The following NBEAL2 variants were observed in gnomAD, a reference collection of about 807,000 sequenced individuals.
NBEAL2 encodes neurobeachin like 2.
NBEAL2 carries 160 observed loss-of-function variants against 299.8 expected under a neutral mutation model. The observed-to-expected ratio is 0.53, with a 90% CI of 0.47 to 0.61. The LOEUF is 0.61. NBEAL2 is among the 20% of genes least tolerant of loss of function. The pLI, the probability that NBEAL2 is intolerant of heterozygous loss-of-function variation, is 0.00. For synonymous variants in NBEAL2, 1,493 were observed against 1,542.3 expected (o/e 0.97, Z 0.75); for missense variants, 3,112 against 3,649.0 (o/e 0.85, Z 3.79).
rs781779589 is a variant in NBEAL2 at position 46,991,434 on chromosome 3, G to C, written c.671G>C (p.Gly224Ala). ...AACGGGCAGATGGCTGTAAGTGATG[G>C]CTCTGTGAAGGGCCTGCTGAGTGTG... ...KENGQMAVSDGSVKGLLSVVR... is the reference protein window; with the variant it reads ...KENGQMAVSDASVKGLLSVVR... Residue 224 changes from glycine (G) to alanine (A), a missense_variant, in exon 8 of 54, where the codon GGC (glycine) becomes GCC (alanine). Gly to Ala is a moderately conservative substitution (Grantham distance 60, BLOSUM62 0). This residue lies in a region of NBEAL2 where 2,243 missense variants were observed against 2,538.1 expected (regional missense o/e 0.88). Coordinates refer to ENST00000450053, the MANE Select transcript of NBEAL2 (RefSeq NM_015175.3). The surrounding 1 kb of genome is among the most constrained non-coding windows in gnomAD (Gnocchi z 6.2). The C allele has an allele frequency of 1.9e-6, 3 of 1,608,686 alleles. No individual in the cohort carries two copies. In the Admixed American group the frequency reaches 5.0e-5, roughly 27 times the overall value.
Position 47,002,108 on chromosome 3 carries a change from T to G in NBEAL2, c.4971T>G (p.Ala1657=). Residue 1657 remains alanine (A), a synonymous_variant, in exon 31 of 54, where the codon GCT becomes GCG. Transcript: ENST00000450053. ...SPLAAAAAAA[A]AERCSWLVPL... is the part of the protein sequence containing the mutation. The stretch of plus-strand genomic sequence containing the variant: ...TTGCAGCTGCAGCAGCTGCAGCAGC[T>G]GCAGAGCGCTGCTCCTGGCTGGTGC... 6.4e-7 allele frequency: 1 copy of G among 1,550,600 alleles called. No homozygotes were observed. Among genetic ancestry groups the G allele is most frequent in the South Asian group, 1.2e-5 (1 of 84,484 alleles).
rs764404753 is a variant in NBEAL2, at chr3:46,996,442, C to A, written c.2323C>A (p.Pro775Thr). Residue 775 changes from proline to threonine, a missense_variant, in exon 16 of 54, where the codon CCC becomes ACC. Coordinates refer to ENST00000450053, the MANE Select transcript of NBEAL2 (RefSeq NM_015175.3). Reference sequence around the variant, plus strand: ...TGGCTGGGGGTCCGGGCTGGTGGCCCCCCTGCAGGAGGGCAGCATCGACTC... The same window carrying A: ...TGGCTGGGGGTCCGGGCTGGTGGCCACCCTGCAGGAGGGCAGCATCGACTC... Reference protein sequence around the residue: ...GLGWGSGLVAPLQEGSIDSTL... With the variant: ...GLGWGSGLVATLQEGSIDSTL... The A allele has an allele frequency of 6.2e-7, 1 of 1,608,368 alleles. No individual in the cohort carries two copies. The highest frequency in any genetic ancestry group is 8.5e-7 in the Non-Finnish European group (1 of 1,177,690).
At position 47,004,024 on chromosome 3, in the gene NBEAL2, C is replaced by A. The variant is rs772589336; in HGVS notation, c.5881+48C>A. 1.2e-6 allele frequency: 2 copies of A among 1,606,636 alleles called. No individual in the cohort carries two copies. Among genetic ancestry groups the A allele is most frequent in the Non-Finnish European group, 1.7e-6 (2 of 1,174,660 alleles). ...AGGAGGATGGCAGGGAATGGCTGAG[C>A]TCTGGGTGGGGCTGGGGTGAGTGAC... On this transcript the variant is annotated intron_variant, in intron 36 of 53. Coordinates refer to ENST00000450053, the MANE Select transcript of NBEAL2 (RefSeq NM_015175.3). The surrounding 1 kb of genome is among the most constrained non-coding windows in gnomAD (Gnocchi z 5.0).
intron 1 of NBEAL2, chr3:46,987,994 CAA>C: frequency 7.8e-7 from 1 of 1,276,930 alleles, no homozygotes; most frequent in Non-Finnish European, 1.0e-6. Flanking sequence ...CCGTTCACAC[CAA>C]AGTTTTCCTG....
rs1440994285 is a variant in NBEAL2, at chr3:47,007,928, C to T, written c.7602+18C>T. The T allele has an allele frequency of 3.1e-6, 5 of 1,608,222 alleles. No homozygotes were observed. Among genetic ancestry groups the T allele is most frequent in the South Asian group, 1.1e-5 (1 of 90,102 alleles). On this transcript the variant is annotated intron_variant, in intron 49 of 53. Coordinates refer to ENST00000450053, the MANE Select transcript of NBEAL2 (RefSeq NM_015175.3). ...TGCATCAGGTGTGCCTCGTGGGCAG[C>T]TCTGTGGGGCCCCCGTAGCCCAGAC...
chr3:47,009,181 G>C, intron 53 of NBEAL2, 38 bp from the exon 54 acceptor site: 1 of 1,561,206 alleles, frequency 6.4e-7, no homozygotes, highest in Non-Finnish European at 8.7e-7. Context: ...GTGGCGCGGC[G>C]ATCCCAGCTG....
chr3:47,000,005 C>T lies in NBEAL2; in HGVS notation c.3906C>T (p.Pro1302=), dbSNP rs374744218. The T allele has an allele frequency of 6.2e-7, 1 of 1,612,406 alleles. No homozygotes were observed. The highest frequency in any genetic ancestry group is 2.2e-5 in the East Asian group (1 of 44,896). ...YVLEAATAGS[P]PPSSPESPTS... is the part of the protein sequence containing the mutation. ...TGGAGGCTGCCACAGCCGGCAGCCC[C>T]CCTCCGTCTTCCCCAGAGTCACCTA... Residue 1302 remains proline (P), a synonymous_variant, in exon 27 of 54, where the codon CCC becomes CCT. Transcript: ENST00000450053. This position sits in a 1 kb window ranked among gnomAD's most constrained non-coding sequence, Gnocchi z 4.5.
Position 47,004,832 on chromosome 3 carries a change from T to TC in NBEAL2, c.6295-136dup, listed in dbSNP as rs2037303336. 7.7e-7 allele frequency: 1 copy of TC among 1,295,248 alleles called. No individual in the cohort carries two copies. The highest frequency in any genetic ancestry group is 1.1e-6 in the Non-Finnish European group (1 of 940,652). The allele number at this position is 1,295,248 out of a possible 1,614,324, so 80.2% of individuals were successfully genotyped here. A position where few individuals can be genotyped will look rare whatever the true frequency, so the allele number is the denominator to read the frequency against. ...CCTGTTCCAGGACACTCTGTCCTTC[T>TC]CCCCTGTGACCCCTCTAAGTGGTGC... On this transcript the variant is annotated intron_variant, in intron 38 of 53. Transcript: ENST00000450053. This position sits in a 1 kb window ranked among gnomAD's most constrained non-coding sequence, Gnocchi z 5.0.
Position 46,979,742 on chromosome 3 carries a change from C to A in NBEAL2, c.-120C>A. On this transcript the variant is annotated 5_prime_UTR_variant, in exon 1 of 54. Transcript: ENST00000450053. Reference sequence around the variant, plus strand: ...CAGCCGCAGACTTCCCCAGTAGTACCGCGCCGCTCCGCCCCGGAGTGACGC... The same window carrying A: ...CAGCCGCAGACTTCCCCAGTAGTACAGCGCCGCTCCGCCCCGGAGTGACGC... The A allele has an allele frequency of 3.1e-6, 1 of 321,628 alleles. No homozygotes were observed. The highest frequency in any genetic ancestry group is 5.7e-6 in the Non-Finnish European group (1 of 176,142). The allele number at this position is 321,628 out of a possible 1,614,324, so 19.9% of individuals were successfully genotyped here.
At chr3:46,999,244 C>A in intron 24 of NBEAL2, 71 bp from the exon 25 acceptor site, 1 of 1,555,438 alleles carries the variant, frequency 6.4e-7, no homozygotes, top group East Asian at 2.3e-5. Context: ...AGCCACACAC[C>A]TGCACGGTGA....
Position 47,002,491 on chromosome 3 carries a change from G to T in NBEAL2, c.5272G>T (p.Glu1758Ter). The T allele has an allele frequency of 6.2e-7, 1 of 1,612,970 alleles. No individual in the cohort carries two copies. The highest frequency in any genetic ancestry group is 1.1e-5 in the South Asian group (1 of 91,076). ...GAGCAGTGGGCAGCGGCGCCAGTGGGAGCGCGCCCAGAGTCGTCGGGCCTT... is the reference window on the plus strand; with the variant it reads ...GAGCAGTGGGCAGCGGCGCCAGTGGTAGCGCGCCCAGAGTCGTCGGGCCTT... ...LMSSGQRRQW[E>*]RAQSRRAFQE... is the part of the protein sequence containing the mutation. Residue 1758 changes from glutamate (E) to a stop codon, truncating the protein, a stop_gained, in exon 32 of 54, where the codon GAG becomes TAG. Transcript: ENST00000450053. LOFTEE classifies it high-confidence loss of function.
chr3:46,991,207 C>G lies in NBEAL2; in HGVS notation c.557-12C>G. On this transcript the variant is annotated splice_polypyrimidine_tract_variant and intron_variant, in intron 6 of 53. Coordinates refer to ENST00000450053, the MANE Select transcript of NBEAL2 (RefSeq NM_015175.3). This position sits in a 1 kb window ranked among gnomAD's most constrained non-coding sequence, Gnocchi z 6.2. Reference sequence around the variant, plus strand: ...CTTGGTGACATTACCCTGCCCACACCCCCCTACCCAGAGAGCCTACAGAAT... The same window carrying G: ...CTTGGTGACATTACCCTGCCCACACGCCCCTACCCAGAGAGCCTACAGAAT... 6.3e-7 allele frequency: 1 copy of G among 1,597,604 alleles called. No homozygotes were observed. Among genetic ancestry groups the G allele is most frequent in the Non-Finnish European group, 8.5e-7 (1 of 1,171,040 alleles).
Position 47,001,094 on chromosome 3 carries a change from C to A in NBEAL2, c.4399C>A (p.Arg1467=). The A allele has an allele frequency of 2.5e-6, 4 of 1,612,300 alleles. No homozygotes were observed. The South Asian group carries it at 3.3e-5, about 13-fold the overall frequency. ...GGAAGGCAGCGATGAGGCTGCCTGG[C>A]GGGAGCGTGGCCAGGTTTTCTCAGT... The part of the protein sequence containing the change: ...GVEGSDEAAW[R]ERGQVFSVLT... Residue 1467 remains arginine, a synonymous_variant, in exon 28 of 54, where the codon CGG becomes AGG. Coordinates refer to ENST00000450053, the MANE Select transcript of NBEAL2 (RefSeq NM_015175.3). This position sits in a 1 kb window ranked among gnomAD's most constrained non-coding sequence, Gnocchi z 6.1.
In NBEAL2 at chr3:46,995,716, T is replaced by G; in HGVS notation, c.1901T>G (p.Phe634Cys). 1 of 1,613,436 alleles carries G rather than the reference T, an allele frequency of 6.2e-7. No individual in the cohort carries two copies. Among genetic ancestry groups the G allele is most frequent in the South Asian group, 1.1e-5 (1 of 91,086 alleles). Residue 634 changes from phenylalanine to cysteine, a missense_variant and splice_region_variant, in exon 14 of 54, where the codon TTC (phenylalanine) becomes TGC (cysteine). Phe to Cys is a radical substitution (Grantham distance 205). Transcript: ENST00000450053. The part of the protein sequence containing the change: ...RPLQRKQLYS[F>C]FTSSGSGFEA... ...ATAACTGGCTTGCCTGCCCCCAGCT[T>G]CTTTACCAGCAGCGGCTCAGGGTTT...
At chr3:46,999,796 G>C (rs2036819802) in intron 26 of NBEAL2, 81 bp downstream of exon 26, 2 of 1,592,248 alleles carry the variant, frequency 1.3e-6, no homozygotes, top group Non-Finnish European at 1.7e-6. Flanking sequence ...TGTCTCATGA[G>C]GGGTCTCTGG....
chr3:47,002,886 G>T, intron 33 of NBEAL2, 71 bp from the exon 34 acceptor site: 1 of 1,583,894 alleles, frequency 6.3e-7, no homozygotes. Context: ...ACTGCCTTTG[G>T]GGTGAGGCCA....
Position 47,002,747 on chromosome 3 carries a change from C to A in NBEAL2, c.5404C>A (p.His1802Asn). 6.3e-7 allele frequency: 1 copy of A among 1,580,452 alleles called. No homozygotes were observed. Among genetic ancestry groups the A allele is most frequent in the Non-Finnish European group, 8.6e-7 (1 of 1,167,662 alleles). Residue 1802 changes from histidine to asparagine, a missense_variant, in exon 33 of 54, where the codon CAC (histidine) becomes AAC (asparagine). Physicochemically the swap from His to Asn is moderately conservative, Grantham distance 68. This residue lies in a region of NBEAL2 where 2,243 missense variants were observed against 2,538.1 expected (regional missense o/e 0.88). Transcript: ENST00000450053. ...QATQHSMALLHWGALWRQLAS... is the reference protein window; with the variant it reads ...QATQHSMALLNWGALWRQLAS... ...AACGCAGCACTCCATGGCCCTGCTG[C>A]ACTGGGGGGCGCTGTGGCGCCAGCT...
chr3:47,009,369 G>A lies in NBEAL2; in HGVS notation c.*49G>A, dbSNP rs774211384. The stretch of plus-strand genomic sequence containing the variant: ...GCCCCGCCCCCGGCAGGCCTGGCCC[G>A]GGAGGCCCCGCCCAGAAGTCGGCGG... On this transcript the variant is annotated 3_prime_UTR_variant, in exon 54 of 54. Coordinates refer to ENST00000450053, the MANE Select transcript of NBEAL2 (RefSeq NM_015175.3). 6.6e-7 allele frequency: 1 copy of A among 1,524,878 alleles called. No individual in the cohort carries two copies. The highest frequency in any genetic ancestry group is 1.2e-5 in the South Asian group (1 of 83,016). 94.5% of individuals were successfully genotyped at this position (1,524,878 alleles called of 1,614,324 possible).
At chr3:46,993,023 G>A (rs1559591147) in intron 10 of NBEAL2, among the ~76,000 whole-genome samples, 2 of 152,170 alleles carry the variant, frequency 1.3e-5, no homozygotes, top group Admixed American at 6.5e-5. Flanking sequence ...GAGGCTGCAG[G>A]GTGTCAGCTG....
Sources: gnomAD v4.1 joint callset for allele counts (sites outside exome capture counted in the v4.1 genomes callset) on GRCh38, gnomAD v4.1.1 for gene constraint, gnomAD v4.1.1 regional missense constraint, Gnocchi (gnomAD v3.1) non-coding constraint, MANE v1.5 for transcripts, NCBI Gene and HGNC (gene_info 2026-07-23, HGNC 2026-07-21) for gene names.